The following SMOC1 variants were observed in gnomAD, a reference collection of about 807,000 sequenced individuals.
The protein encoded by SMOC1 is SPARC-related modular calcium-binding protein 1.
A neutral mutation model predicts 56.3 loss-of-function variants in SMOC1; 22 were observed. The observed-to-expected ratio is 0.39, with a 90% CI of 0.28 to 0.56. SMOC1 has a LOEUF of 0.56. Ranked by LOEUF, SMOC1 falls within the 20% of genes least tolerant of loss-of-function variation. The probability of loss-of-function intolerance (pLI) is 0.61; values close to 1 mark genes in which losing one functional copy is unlikely to be tolerated. For synonymous variants in SMOC1, 193 were observed against 215.0 expected, an observed-to-expected ratio of 0.90 and a Z score of 0.89; for missense variants, 509 against 565.4, an observed-to-expected ratio of 0.90 and a Z score of 1.01.
intron 1 of SMOC1, chr14:69,885,479 G>A (rs941950595): frequency 1.9e-6 from 3 of 1,600,330 alleles, no homozygotes; most frequent in Admixed American, 3.3e-5. Flanking sequence ...GGTCCTGATA[G>A]CTTCCACCAG....
At position 69,994,497 on chromosome 14, in the gene SMOC1, G is replaced by A. The variant is rs1884695628; in HGVS notation, c.664+17G>A. ...GAAATTCAGGTAAATAACCTTCCTT[G>A]GATTATATATGTACCCAGTCCATCC... is the stretch of plus-strand genomic sequence containing the variant. On this transcript the variant is annotated intron_variant, in intron 7 of 11. Coordinates refer to ENST00000361956, the MANE Select transcript of SMOC1 (RefSeq NM_001034852.3). 1 of 1,591,092 alleles carries A rather than the reference G, an allele frequency of 6.3e-7. No homozygotes were observed. The highest frequency in any genetic ancestry group is 1.3e-5 in the African/African-American group (1 of 74,350).
At chr14:69,953,850 A>C (rs998552539) in intron 3 of SMOC1, among the ~76,000 whole-genome samples, 1 of 151,902 alleles carries the variant, frequency 6.6e-6, no homozygotes, top group Non-Finnish European at 1.5e-5. Flanking sequence ...GTTAAATGTG[A>C]GCTGATTATT....
chr14:69,955,863 C>G (rs61981761), intron 3 of SMOC1, among the ~76,000 whole-genome samples: 5,022 of 152,316 alleles, frequency 0.033, 121 homozygotes, highest in Non-Finnish European at 0.05. Flanking sequence ...TCAGACTTCT[C>G]TCAGATTAGT....
At chr14:70,011,073 G>A (rs1037776900) in intron 8 of SMOC1, 127 bp downstream of exon 8, 30 of 1,053,458 alleles carry the variant, frequency 2.8e-5, no homozygotes, top group Middle Eastern at 2.9e-4. Context: ...TTTTCAATGA[G>A]TAGAAGAGTT....
At chr14:69,909,312 T>G (rs1176257697) in intron 1 of SMOC1, among the ~76,000 whole-genome samples, 1 of 152,256 alleles carries the variant, frequency 6.6e-6, no homozygotes, top group African/African-American at 2.4e-5. Flanking sequence ...GTGTGAAATA[T>G]CGCCTTATGA....
intron 1 of SMOC1, among the ~76,000 whole-genome samples, chr14:69,916,036 C>T (rs1594799764): frequency 6.6e-6 from 1 of 152,244 alleles, no homozygotes; most frequent in African/African-American, 2.4e-5. Context: ...GCCATACCTA[C>T]ATATCTGCCT....
At chr14:70,008,702 T>A (rs1482487359) in intron 7 of SMOC1, among the ~76,000 whole-genome samples, 1 of 152,212 alleles carries the variant, frequency 6.6e-6, no homozygotes, top group African/African-American at 2.4e-5. Context: ...CTTTAGAAGG[T>A]TGGCCTGGAG....
intron 5 of SMOC1, among the ~76,000 whole-genome samples, chr14:69,988,070 CT>C (rs749620631): frequency 1.3e-5 from 2 of 152,216 alleles, no homozygotes; most frequent in Non-Finnish European, 2.9e-5. Context: ...TTTTATCTGC[CT>C]GGTTTCTCCC....
intron 1 of SMOC1, among the ~76,000 whole-genome samples, chr14:69,940,252 G>A (rs1013977810): frequency 6.6e-6 from 1 of 152,120 alleles, no homozygotes; most frequent in African/African-American, 2.4e-5. Context: ...TCCCCTAGTG[G>A]TAAAACACAT....
intron 6 of SMOC1, 51 bp from the exon 7 acceptor site, chr14:69,994,349 C>T: frequency 7.1e-7 from 1 of 1,413,018 alleles, no homozygotes; most frequent in Non-Finnish European, 1.0e-6. Flanking sequence ...CACTTCCACT[C>T]ACATAGTCTC....
intron 1 of SMOC1, among the ~76,000 whole-genome samples, chr14:69,901,427 G>T (rs1423862143): frequency 1.3e-5 from 2 of 152,170 alleles, no homozygotes; most frequent in Non-Finnish European, 2.9e-5. Context: ...GAGGTGGTCT[G>T]GGAATTATTA....
chr14:69,895,613 A>G (rs142809466), intron 1 of SMOC1, among the ~76,000 whole-genome samples: 11 of 152,332 alleles, frequency 7.2e-5, no homozygotes, highest in African/African-American at 2.6e-4. Context: ...TTCTCCCTGC[A>G]TCTCTGCCAG....
chr14:69,930,355 G>A (rs907382043), intron 1 of SMOC1, among the ~76,000 whole-genome samples: 3 of 152,160 alleles, frequency 2.0e-5, no homozygotes, highest in South Asian at 4.1e-4. Context: ...GGGCACTTGC[G>A]ATGTGCCAAA....
At chr14:69,996,772 T>G (rs1279696974) in intron 7 of SMOC1, among the ~76,000 whole-genome samples, 1 of 152,220 alleles carries the variant, frequency 6.6e-6, no homozygotes, top group Admixed American at 6.5e-5. Context: ...GATTGATAAC[T>G]TAGGAATCTC....
chr14:69,945,309 T>G (rs1446584038), intron 1 of SMOC1, among the ~76,000 whole-genome samples: 2 of 152,040 alleles, frequency 1.3e-5, no homozygotes, highest in Non-Finnish European at 2.9e-5. Context: ...AAGCTAATGG[T>G]GGTGTTTAAA....
intron 1 of SMOC1, among the ~76,000 whole-genome samples, chr14:69,942,477 A>AT (rs1290191213): frequency 6.6e-6 from 1 of 152,156 alleles, no homozygotes; most frequent in Non-Finnish European, 1.5e-5. Context: ...GTACACTTTT[A>AT]TGAATTTTAA....
intron 1 of SMOC1, among the ~76,000 whole-genome samples, chr14:69,950,743 A>G (rs1192010037): frequency 1.3e-5 from 2 of 152,204 alleles, no homozygotes; most frequent in Non-Finnish European, 2.9e-5. Flanking sequence ...TAGCCCAATT[A>G]TTGTTCTCCA....
chr14:69,943,821 C>G (rs1366344499), intron 1 of SMOC1, among the ~76,000 whole-genome samples: 1 of 152,238 alleles, frequency 6.6e-6, no homozygotes, highest in Non-Finnish European at 1.5e-5. Flanking sequence ...TGGTGCCCTT[C>G]TCCTCTTCTG....
intron 5 of SMOC1, among the ~76,000 whole-genome samples, chr14:69,987,699 C>T (rs542935688): frequency 4.3e-4 from 65 of 152,172 alleles, no homozygotes; most frequent in Non-Finnish European, 8.7e-4. Context: ...TTGTCCTCAG[C>T]CTGGCATTTA....
Sources: allele counts gnomAD v4.1 joint callset (sites outside exome capture counted in the v4.1 genomes callset), GRCh38; gene constraint gnomAD v4.1.1; transcripts MANE v1.5; gene names NCBI Gene and HGNC (gene_info 2026-07-23, HGNC 2026-07-21).